The following CACNB4 variants were observed in gnomAD, a reference collection of about 807,000 sequenced individuals.
CACNB4 encodes calcium voltage-gated channel auxiliary subunit beta 4, also known as voltage-dependent L-type calcium channel subunit beta-4.
CACNB4 carries 32 observed loss-of-function variants against 71.2 expected under a neutral mutation model. The ratio of observed to expected loss-of-function variants is 0.45; its 90% CI spans 0.34 to 0.60. The LOEUF is 0.60. CACNB4 is among the 20% of genes least tolerant of loss of function. The pLI, the probability that CACNB4 is intolerant of heterozygous loss-of-function variation, is 0.01. For synonymous variants in CACNB4, 231 were observed against 236.9 expected (o/e 0.97, Z 0.23); for missense variants, 464 against 647.9 (o/e 0.72, Z 3.08).
chr2:152,076,028 C>T (rs1686988435), intron 2 of CACNB4, among the ~76,000 whole-genome samples: 1 of 151,822 alleles, frequency 6.6e-6, no homozygotes, highest in Admixed American at 6.6e-5. Flanking sequence ...GTGGGGTATG[C>T]ATTTTGTCAT....
At chr2:151,863,250 C>T (rs755509650) in intron 9 of CACNB4, among the ~76,000 whole-genome samples, 3 of 151,744 alleles carry the variant, frequency 2.0e-5, no homozygotes, top group Non-Finnish European at 2.9e-5. Flanking sequence ...ATTTTTACTA[C>T]AGATGAGGTT....
At chr2:152,012,035 G>C (rs1015933752) in intron 2 of CACNB4, among the ~76,000 whole-genome samples, 128 of 151,358 alleles carry the variant, frequency 8.5e-4, no homozygotes, top group African/African-American at 2.9e-3. Flanking sequence ...CTGTGTTTCT[G>C]GTTTATATAT....
intron 2 of CACNB4, among the ~76,000 whole-genome samples, chr2:152,065,447 A>T (rs1217323552): frequency 2.0e-5 from 3 of 151,944 alleles, no homozygotes; most frequent in African/African-American, 7.2e-5. Flanking sequence ...AACTTCACTT[A>T]GGGCTTGGTT....
intron 2 of CACNB4, among the ~76,000 whole-genome samples, chr2:151,953,070 C>T (rs180892501): frequency 1.3e-5 from 2 of 152,208 alleles, no homozygotes; most frequent in African/African-American, 2.4e-5. Flanking sequence ...CTGTCATAAA[C>T]CTAAGAAAAT....
chr2:152,080,198 T>C (rs1184413022), intron 2 of CACNB4, among the ~76,000 whole-genome samples: 1 of 152,006 alleles, frequency 6.6e-6, no homozygotes, highest in Non-Finnish European at 1.5e-5. Context: ...CTTGGTTCAC[T>C]ACAACCTCTG....
At chr2:151,937,560 G>A (rs1424971917) in intron 2 of CACNB4, among the ~76,000 whole-genome samples, 1 of 152,186 alleles carries the variant, frequency 6.6e-6, no homozygotes, top group East Asian at 1.9e-4. Context: ...AATGGTACCA[G>A]CTCAGAAATC....
At position 151,836,637 on chromosome 2, in the gene CACNB4, T is replaced by C. The variant is rs1370368977; in HGVS notation, c.*2482A>G. The C allele has an allele frequency of 6.6e-6, 1 of 151,916 alleles. No individual in the cohort carries two copies. Among genetic ancestry groups the C allele is most frequent in the African/African-American group, 2.4e-5 (1 of 41,426 alleles). The allele number at this position is 151,916 out of a possible 1,614,324, so 9.4% of individuals were successfully genotyped here. A position where few individuals can be genotyped will look rare whatever the true frequency, so the allele number is the denominator to read the frequency against. On this transcript the variant is annotated 3_prime_UTR_variant, in exon 14 of 14. Transcript: ENST00000539935. ...AAGCAAAACAGGTATGGACATCTGA[T>C]GGTAATTGATAGATTGGTTTTGTGC...
At chr2:151,852,572 C>T (rs1045862736) in intron 12 of CACNB4, 1 of 152,196 alleles carries the variant, frequency 6.6e-6, no homozygotes, top group African/African-American at 2.4e-5. Flanking sequence ...TTACACCAAT[C>T]CCATGAGATA....
chr2:152,063,807 C>A (rs924781598), intron 2 of CACNB4, among the ~76,000 whole-genome samples: 4 of 152,118 alleles, frequency 2.6e-5, no homozygotes, highest in African/African-American at 4.8e-5. Context: ...CCATCAGCTC[C>A]GAATGTCTTC....
intron 2 of CACNB4, among the ~76,000 whole-genome samples, chr2:151,889,352 G>A (rs1041067493): frequency 1.3e-5 from 2 of 151,600 alleles, no homozygotes. Flanking sequence ...TGTAATCTCA[G>A]CTACTTGGGA....
In CACNB4 at chr2:151,883,002, C is replaced by T. The variant is rs1477490865; in HGVS notation, c.267+249G>A. The T allele has an allele frequency of 1.5e-5, 7 of 468,646 alleles. No homozygotes were observed. In the Admixed American group the frequency reaches 2.4e-4, roughly 16 times the overall value. The allele number at this position is 468,646 out of a possible 1,614,324, so 29.0% of individuals were successfully genotyped here. A position where few individuals can be genotyped will look rare whatever the true frequency, so the allele number is the denominator to read the frequency against. On this transcript the variant is annotated intron_variant, in intron 3 of 13. Coordinates refer to ENST00000539935, the MANE Select transcript of CACNB4 (RefSeq NM_000726.5). ...ACTGGGCATGGGAGGTTTGATATTG[C>T]TAAGTTGGAAGACGACCAATAATTC...
chr2:151,915,950 G>C (rs1187348832), intron 2 of CACNB4, among the ~76,000 whole-genome samples: 1 of 152,058 alleles, frequency 6.6e-6, no homozygotes, highest in Non-Finnish European at 1.5e-5. Context: ...AGTTTTCTCT[G>C]GGGGGATAGT....
intron 2 of CACNB4, among the ~76,000 whole-genome samples, chr2:151,909,982 A>C (rs904074485): frequency 1.3e-5 from 2 of 152,192 alleles, no homozygotes; most frequent in African/African-American, 4.8e-5. Context: ...TGGTTGAACT[A>C]ATTTACATTC....
intron 2 of CACNB4, among the ~76,000 whole-genome samples, chr2:151,885,081 C>A (rs1046275568): frequency 6.6e-6 from 1 of 152,192 alleles, no homozygotes; most frequent in African/African-American, 2.4e-5. Context: ...ATCATTCTAG[C>A]AAGGGTAGCA....
intron 2 of CACNB4, among the ~76,000 whole-genome samples, chr2:151,957,136 G>C (rs898571473): frequency 6.6e-6 from 1 of 152,036 alleles, no homozygotes; most frequent in Non-Finnish European, 1.5e-5. Flanking sequence ...CTGGGCAACA[G>C]AGTCAGACTC....
chr2:151,882,633 G>T (rs1432085771), intron 3 of CACNB4, among the ~76,000 whole-genome samples: 1 of 152,200 alleles, frequency 6.6e-6, no homozygotes. Flanking sequence ...GATCCCTAGT[G>T]ACTCTTCTGG....
At chr2:151,919,986 A>C (rs1205186479) in intron 2 of CACNB4, among the ~76,000 whole-genome samples, 1 of 152,206 alleles carries the variant, frequency 6.6e-6, no homozygotes, top group Non-Finnish European at 1.5e-5. Flanking sequence ...AAAGCCAACT[A>C]TAAAGCCATT....
chr2:151,903,985 G>A (rs2099854127), intron 2 of CACNB4, among the ~76,000 whole-genome samples: 1 of 152,124 alleles, frequency 6.6e-6, no homozygotes, highest in Admixed American at 6.6e-5. Context: ...AGGAAAGAAG[G>A]GAGGGAAGAA....
chr2:151,849,201 T>G (rs2099838391), intron 12 of CACNB4, among the ~76,000 whole-genome samples: 1 of 152,174 alleles, frequency 6.6e-6, no homozygotes, highest in African/African-American at 2.4e-5. Flanking sequence ...ACAAATTCCT[T>G]GACATTCCCT....
Sources: gnomAD v4.1 joint callset for allele counts (sites outside exome capture counted in the v4.1 genomes callset) on GRCh38, gnomAD v4.1.1 for gene constraint, MANE v1.5 for transcripts, NCBI Gene and HGNC (gene_info 2026-07-23, HGNC 2026-07-21) for gene names.